Variants in PCSK5 observed in about 807,000 individuals in gnomAD.
The protein encoded by PCSK5 is prohormone convertase 5.
PCSK5 carries 129 observed loss-of-function variants against 233.2 expected under a neutral mutation model. That is an observed-to-expected ratio of 0.55 (90% CI 0.48 to 0.64). The LOEUF (loss-of-function observed/expected upper bound fraction) is 0.64, where lower values mean the gene tolerates loss of function less well. PCSK5 is among the 30% of genes least tolerant of loss of function. PCSK5 has a pLI of 0.00. For synonymous variants in PCSK5, 825 were observed against 879.2 expected (o/e 0.94, Z 1.09); for missense variants, 2,076 against 2,430.1 (o/e 0.85, Z 3.06).
intron 2 of PCSK5, among the ~76,000 whole-genome samples, chr9:75,963,889 A>G (rs1825463367): frequency 6.6e-6 from 1 of 151,792 alleles, no homozygotes; most frequent in South Asian, 2.1e-4. Context: ...AAAAAAATAA[A>G]AATTAAAAAA....
chr9:76,072,954 A>G (rs1357545934), intron 7 of PCSK5, among the ~76,000 whole-genome samples: 1 of 152,230 alleles, frequency 6.6e-6, no homozygotes, highest in East Asian at 1.9e-4. Flanking sequence ...TGTGCTTTAT[A>G]TCAGAGTTAG....
At chr9:76,187,331 C>CTAGTT (rs1392835305) in intron 17 of PCSK5, among the ~76,000 whole-genome samples, 1 of 152,020 alleles carries the variant, frequency 6.6e-6, no homozygotes, top group East Asian at 1.9e-4. Context: ...TCCAATCACA[C>CTAGTT]TAGTTATTCA....
At chr9:76,235,070 A>G (rs753944397) in intron 22 of PCSK5, among the ~76,000 whole-genome samples, 22 of 152,232 alleles carry the variant, frequency 1.4e-4, no homozygotes, top group Non-Finnish European at 2.6e-4. Context: ...TATGCCCCAT[A>G]AGAGCATGGC....
chr9:76,297,225 G>C (rs1189485820), intron 27 of PCSK5, among the ~76,000 whole-genome samples: 1 of 152,174 alleles, frequency 6.6e-6, no homozygotes, highest in Non-Finnish European at 1.5e-5. Flanking sequence ...TCTATCACAG[G>C]CATGTCCTAC....
intron 5 of PCSK5, among the ~76,000 whole-genome samples, chr9:76,027,772 C>T (rs1219740188): frequency 6.6e-6 from 1 of 152,130 alleles, no homozygotes; most frequent in African/African-American, 2.4e-5. Flanking sequence ...TTTCTAATCT[C>T]TAAATCACAG....
chr9:76,067,928 G>A (rs1283801867), intron 5 of PCSK5, 27 bp from the exon 6 acceptor site: 1 of 1,589,934 alleles, frequency 6.3e-7, no homozygotes, highest in Non-Finnish European at 8.6e-7. Flanking sequence ...TGTCTTACTT[G>A]AGAAAGTGTG....
Position 76,136,990 on chromosome 9 carries a change from A to G in PCSK5, c.1312+2778A>G, listed in dbSNP as rs1041153530. Among the ~76,000 whole-genome samples the G allele has an allele frequency of 3.3e-5, 5 of 152,114 alleles. No individual in the cohort carries two copies. In the East Asian group the frequency reaches 9.7e-4, roughly 29 times the overall value. ...AATCCATTTTATCCAACCTCCTTAC[A>G]TTTCTTCAGACATACCCCCATGTCC... On this transcript the variant is annotated intron_variant, in intron 10 of 37. Transcript: ENST00000674117.
At chr9:76,087,451 A>G (rs764006817) in intron 7 of PCSK5, among the ~76,000 whole-genome samples, 1 of 152,190 alleles carries the variant, frequency 6.6e-6, no homozygotes, top group African/African-American at 2.4e-5. Flanking sequence ...TCCAAGTGTC[A>G]CTTTAGAAAA....
At position 76,315,928 on chromosome 9, in the gene PCSK5, G is replaced by GTTTTTTTTTTT. The variant is rs71499141; in HGVS notation, c.3884+5090_3884+5100dup. On this transcript the variant is annotated intron_variant, in intron 30 of 37. Coordinates refer to ENST00000674117, the MANE Select transcript of PCSK5 (RefSeq NM_001372043.1). ...ATTACAGGCATGAGCCACTTCAAGGGTTTTTTTTTTTTTTTTTTTTTTTGC... is the reference window on the plus strand; with the variant it reads ...ATTACAGGCATGAGCCACTTCAAGGGTTTTTTTTTTTTTTTTTTTTTTTTTTTTTTTTTTGC... Among the ~76,000 whole-genome samples the GTTTTTTTTTTT allele has an allele frequency of 3.6e-3, 331 of 91,696 alleles. 1 individual carries two copies. Among genetic ancestry groups the GTTTTTTTTTTT allele is most frequent in the Middle Eastern group, 0.011 (1 of 88 alleles). The allele number at this position is 91,696 out of a possible 152,430, so 60.2% of individuals were successfully genotyped here.
chr9:76,265,444 A>G (rs995419135), intron 24 of PCSK5, among the ~76,000 whole-genome samples: 1 of 152,170 alleles, frequency 6.6e-6, no homozygotes, highest in African/African-American at 2.4e-5. Flanking sequence ...AAACATCAAT[A>G]TCATCAAAGT....
chr9:76,069,272 G>T (rs995059936), intron 6 of PCSK5, among the ~76,000 whole-genome samples: 1 of 152,068 alleles, frequency 6.6e-6, no homozygotes, highest in Non-Finnish European at 1.5e-5. Context: ...AATTATATCA[G>T]AGGCGGCCAG....
Position 75,891,005 on chromosome 9 carries a change from A to G in PCSK5, c.-177A>G. The G allele has an allele frequency of 2.0e-6, 1 of 489,326 alleles. No individual in the cohort carries two copies. Among genetic ancestry groups the G allele is most frequent in the Non-Finnish European group, 3.4e-6 (1 of 292,500 alleles). The allele number at this position is 489,326 out of a possible 1,614,324, so 30.3% of individuals were successfully genotyped here. A position where few individuals can be genotyped will look rare whatever the true frequency, so the allele number is the denominator to read the frequency against. On this transcript the variant is annotated 5_prime_UTR_variant, in exon 1 of 38. Transcript: ENST00000674117. ...CCAGGGATGGTCTAGGAGCCGGCGT[A>G]AGGCTCGCTGCTCTGCTCCCTGCCG...
At chr9:76,225,399 T>C (rs1039398227) in intron 20 of PCSK5, among the ~76,000 whole-genome samples, 1 of 152,212 alleles carries the variant, frequency 6.6e-6, no homozygotes, top group Non-Finnish European at 1.5e-5. Flanking sequence ...TTTCAGCTTC[T>C]ATGAACCTCT....
intron 2 of PCSK5, among the ~76,000 whole-genome samples, chr9:75,982,912 T>C (rs1349805394): frequency 6.6e-6 from 1 of 152,172 alleles, no homozygotes; most frequent in African/African-American, 2.4e-5. Flanking sequence ...ACCTTTACAT[T>C]TAAATATCTG....
At chr9:76,026,059 A>G (rs901539415) in intron 4 of PCSK5, among the ~76,000 whole-genome samples, 1 of 151,644 alleles carries the variant, frequency 6.6e-6, no homozygotes, top group African/African-American at 2.4e-5. Context: ...CCAAGCCGTG[A>G]TCACACCACT....
chr9:76,328,318 T>A, intron 33 of PCSK5, 79 bp downstream of exon 33: 2 of 984,336 alleles, frequency 2.0e-6, no homozygotes, highest in Non-Finnish European at 3.2e-6. Flanking sequence ...GTCCAGTAGA[T>A]ACTGGCTTCT....
chr9:76,192,739 T>TAA (rs1446401044), intron 20 of PCSK5, among the ~76,000 whole-genome samples: 1 of 152,198 alleles, frequency 6.6e-6, no homozygotes, highest in Non-Finnish European at 1.5e-5. Context: ...TACATAAGTA[T>TAA]AACAAATACT....
At chr9:76,243,889 A>T (rs1826502805) in intron 24 of PCSK5, among the ~76,000 whole-genome samples, 1 of 152,238 alleles carries the variant, frequency 6.6e-6, no homozygotes, top group Non-Finnish European at 1.5e-5. Context: ...AACTTTGTTT[A>T]TGAACCAAGA....
At chr9:76,223,443 G>A (rs1825792256) in intron 20 of PCSK5, among the ~76,000 whole-genome samples, 1 of 152,208 alleles carries the variant, frequency 6.6e-6, no homozygotes, top group East Asian at 1.9e-4. Flanking sequence ...TGGACTTGTT[G>A]ATAGTATTCT....
Sources: allele counts gnomAD v4.1 joint callset (sites outside exome capture counted in the v4.1 genomes callset), GRCh38; gene constraint gnomAD v4.1.1; transcripts MANE v1.5; gene names NCBI Gene and HGNC (gene_info 2026-07-23, HGNC 2026-07-21).